The following DNAJA3 variants were observed in gnomAD, a reference collection of about 807,000 sequenced individuals.
DNAJA3 encodes DnaJ heat shock protein family (Hsp40) member A3.
In DNAJA3, 29 loss-of-function variants were observed where a neutral mutation model predicts 54.9. The observed-to-expected ratio is 0.53, with a 90% confidence interval of 0.39 to 0.72. DNAJA3 has a LOEUF of 0.72. DNAJA3 is among the 30% of genes least tolerant of loss of function. The probability of loss-of-function intolerance (pLI) is 0.00; values close to 1 mark genes in which losing one functional copy is unlikely to be tolerated. For missense variants in DNAJA3, 708 were observed against 639.4 expected, an observed-to-expected ratio of 1.11 and a Z score of -1.16; for synonymous variants, 302 against 251.4, an observed-to-expected ratio of 1.20 and a Z score of -1.90.
chr16:4,443,853 A>AT (rs1455876354), intron 6 of DNAJA3, among the ~76,000 whole-genome samples: 23 of 151,986 alleles, frequency 1.5e-4, no homozygotes, highest in African/African-American at 5.1e-4. Flanking sequence ...CACCCAGCTA[A>AT]TTTTTTGTAT....
intron 8 of DNAJA3, 40 bp downstream of exon 8, chr16:4,447,054 T>C (rs758332226): frequency 9.4e-6 from 15 of 1,590,156 alleles, no homozygotes; most frequent in South Asian, 2.3e-5. Context: ...CCCTGTACTT[T>C]ATTGCTCTTT....
chr16:4,431,389 C>T (rs907257723), intron 1 of DNAJA3, among the ~76,000 whole-genome samples: 3 of 152,168 alleles, frequency 2.0e-5, no homozygotes, highest in Non-Finnish European at 2.9e-5. Flanking sequence ...TTTTGTATCC[C>T]GAGGATATTG....
chr16:4,452,655 TC>T (rs1341158450), intron 10 of DNAJA3, among the ~76,000 whole-genome samples: 1 of 152,156 alleles, frequency 6.6e-6, no homozygotes, highest in Non-Finnish European at 1.5e-5. Context: ...ACACCTATAA[TC>T]CCAGCACTTT....
At chr16:4,426,144 T>C in intron 1 of DNAJA3, 52 bp downstream of exon 1, 1 of 1,472,718 alleles carries the variant, frequency 6.8e-7, no homozygotes, top group African/African-American at 1.5e-5. Context: ...TAGAAAAGAG[T>C]GAGTCTCCTC....
intron 3 of DNAJA3, among the ~76,000 whole-genome samples, chr16:4,438,847 A>G (rs1006473502): frequency 2.6e-5 from 4 of 152,002 alleles, no homozygotes; most frequent in African/African-American, 7.2e-5. Context: ...ACAGCCACGT[A>G]GAAGAACAGG....
At chr16:4,450,335 G>GACTGTGAGTTCTTTCCAAAGCTT in intron 9 of DNAJA3, 65 bp from the exon 10 acceptor site, 1 of 1,378,086 alleles carries the variant, frequency 7.3e-7, no homozygotes, top group Non-Finnish European at 1.0e-6. Flanking sequence ...GGTGCTGGCT[G>GACTGTGAGTTCTTTCCAAAGCTT]CCTGTGAGTT....
At chr16:4,447,104 A>G (rs866558423) in intron 8 of DNAJA3, 90 bp downstream of exon 8, 1 of 1,483,648 alleles carries the variant, frequency 6.7e-7, no homozygotes, top group African/African-American at 1.4e-5. Context: ...CCTGGAACCC[A>G]TGAGTGACCA....
In DNAJA3 at chr16:4,447,000, A is replaced by G. The variant is rs1414936201; in HGVS notation, c.1111A>G (p.Thr371Ala). The G allele has an allele frequency of 2.5e-6, 4 of 1,613,650 alleles. No homozygotes were observed. Among genetic ancestry groups the G allele is most frequent in the Non-Finnish European group, 3.4e-6 (4 of 1,179,916 alleles). The change falls in exon 8 of 12, where the codon ACG (threonine) becomes GCG (alanine). Residue 371 changes from threonine to alanine, a missense_variant. Physicochemically the swap from Thr to Ala is moderately conservative, Grantham distance 58. Transcript: ENST00000262375. ...AGCCAGAGCCCAGGGCCTGTACGAG[A>G]CGATCAACGTGACGGTAAGAGGGTG... Reference protein sequence around the residue: ...GTARAQGLYETINVTIPPGTQ... With the variant: ...GTARAQGLYEAINVTIPPGTQ...
In DNAJA3 at chr16:4,454,925, G is replaced by A. The variant is rs369848728; in HGVS notation, c.*11G>A. On this transcript the variant is annotated splice_region_variant and 3_prime_UTR_variant, in exon 11 of 12. Transcript: ENST00000262375. ...ATGTTTACCTCATGATATCCCAGCC[G>A]AGGTAGGAAAACCCTGGAGGTTTTT... 33 of 1,603,968 alleles carry A rather than the reference G, an allele frequency of 2.1e-5. No individual in the cohort carries two copies. The highest frequency in any genetic ancestry group is 1.7e-4 in the Admixed American group (10 of 59,698).
intron 6 of DNAJA3, among the ~76,000 whole-genome samples, chr16:4,443,686 T>A (rs1201247046): frequency 9.2e-5 from 8 of 87,412 alleles, no homozygotes; most frequent in Non-Finnish European, 9.4e-5. Context: ...TCCTCCCTGT[T>A]CTTTTTTTTT....
intron 1 of DNAJA3, among the ~76,000 whole-genome samples, chr16:4,432,302 C>G (rs1029777455): frequency 3.4e-5 from 5 of 149,240 alleles, no homozygotes; most frequent in Non-Finnish European, 7.4e-5. Context: ...GGATTACAGG[C>G]GAGAGCCACT....
At chr16:4,437,558 G>T in intron 3 of DNAJA3, 73 bp downstream of exon 3, 5 of 1,236,304 alleles carry the variant, frequency 4.0e-6, no homozygotes, top group Non-Finnish European at 5.9e-6. Context: ...ATTGCTACCT[G>T]GGACAGCCTG....
Position 4,456,008 on chromosome 16 carries a change from C to A in DNAJA3, c.*476C>A. 5.6e-6 allele frequency: 1 copy of A among 180,122 alleles called. No homozygotes were observed. The highest frequency in any genetic ancestry group is 1.4e-4 in the South Asian group (1 of 7,260). 11.2% of individuals were successfully genotyped at this position (180,122 alleles called of 1,614,324 possible). On this transcript the variant is annotated 3_prime_UTR_variant, in exon 12 of 12. Transcript: ENST00000262375. ...CCTGACAGGTTGTCTTCACTGGGAG[C>A]GTGGGGCCCCCAGGCCCCACCAGCA...
chr16:4,448,175 C>T (rs1437778438), intron 8 of DNAJA3, among the ~76,000 whole-genome samples: 3 of 151,498 alleles, frequency 2.0e-5, no homozygotes, highest in South Asian at 2.1e-4. Flanking sequence ...TACAAGCACG[C>T]GCCACCATGC....
At chr16:4,453,218 C>T (rs991770160) in intron 10 of DNAJA3, among the ~76,000 whole-genome samples, 1 of 152,014 alleles carries the variant, frequency 6.6e-6, no homozygotes, top group African/African-American at 2.4e-5. Context: ...CTGTGCCTGA[C>T]CAGCATAGTT....
chr16:4,448,620 G>C (rs2056935689), intron 8 of DNAJA3, 113 bp from the exon 9 acceptor site: 1 of 749,806 alleles, frequency 1.3e-6, no homozygotes, highest in Non-Finnish European at 2.3e-6. Flanking sequence ...GGGAGCGTGA[G>C]CCAGTGGTAG....
Position 4,455,817 on chromosome 16 carries a change from G to A in DNAJA3, c.*285G>A. ...CCCCTGGCTCAGGCAGAGGGAGATG[G>A]TTAGACTCTTGCAGGGCTAAAACTC... On this transcript the variant is annotated 3_prime_UTR_variant, in exon 12 of 12. Coordinates refer to ENST00000262375, the MANE Select transcript of DNAJA3 (RefSeq NM_005147.6). 1 of 580,688 alleles carries A rather than the reference G, an allele frequency of 1.7e-6. No individual in the cohort carries two copies. Among genetic ancestry groups the A allele is most frequent in the East Asian group, 2.8e-5 (1 of 36,090 alleles). The allele number at this position is 580,688 out of a possible 1,614,324, so 36.0% of individuals were successfully genotyped here. A position where few individuals can be genotyped will look rare whatever the true frequency, so the allele number is the denominator to read the frequency against.
intron 3 of DNAJA3, among the ~76,000 whole-genome samples, chr16:4,437,889 A>C (rs1414646090): frequency 6.6e-6 from 1 of 151,926 alleles, no homozygotes; most frequent in Non-Finnish European, 1.5e-5. Context: ...TCAAAGCTGC[A>C]GTGACCCATG....
rs1340677423 is a variant in DNAJA3 at position 4,455,766 on chromosome 16, G to A, written c.*234G>A. 9.6e-6 allele frequency: 6 copies of A among 624,506 alleles called. No individual in the cohort carries two copies. Among genetic ancestry groups the A allele is most frequent in the African/African-American group, 9.2e-5 (5 of 54,362 alleles). The allele number at this position is 624,506 out of a possible 1,614,324, so 38.7% of individuals were successfully genotyped here. A position where few individuals can be genotyped will look rare whatever the true frequency, so the allele number is the denominator to read the frequency against. The stretch of plus-strand genomic sequence containing the variant: ...GATGCAGCCCCAGAGGCTGGTGGCA[G>A]TTTCCTGTCCATTGGTAGGTGACGG... On this transcript the variant is annotated 3_prime_UTR_variant, in exon 12 of 12. Transcript: ENST00000262375.
Sources: allele counts gnomAD v4.1 joint callset (sites outside exome capture counted in the v4.1 genomes callset), GRCh38; gene constraint gnomAD v4.1.1; transcripts MANE v1.5; gene names NCBI Gene and HGNC (gene_info 2026-07-23, HGNC 2026-07-21).